Variants in NRG1 observed in about 807,000 individuals in gnomAD.
NRG1 encodes the protein neuregulin 1.
A neutral mutation model predicts 63.8 loss-of-function variants in NRG1; 18 were observed. The ratio of observed to expected loss-of-function variants is 0.28; its 90% CI spans 0.19 to 0.42. NRG1 has a LOEUF of 0.42. Ranked by LOEUF, NRG1 falls within the 10% of genes least tolerant of loss-of-function variation. The pLI, the probability that NRG1 is intolerant of heterozygous loss-of-function variation, is 1.00. For missense variants in NRG1, 762 were observed against 814.7 expected (o/e 0.94, Z 0.79); for synonymous variants, 302 against 301.3 (o/e 1.00, Z -0.02).
chr8:31,760,147 C>T (rs567943915), intron 1 of NRG1, among the ~76,000 whole-genome samples: 12 of 152,102 alleles, frequency 7.9e-5, no homozygotes, highest in East Asian at 5.8e-4. Flanking sequence ...TGAATGGTAA[C>T]GCCTAGGTTT....
chr8:32,359,111 C>T (rs1342734790), intron 1 of NRG1, among the ~76,000 whole-genome samples: 1 of 152,198 alleles, frequency 6.6e-6, no homozygotes, highest in African/African-American at 2.4e-5. Flanking sequence ...TATTTACAAA[C>T]AGGATAAGTC....
rs367688032 is a variant in NRG1, at chr8:32,495,966, G to A, written c.38-99862G>A. Among the ~76,000 whole-genome samples the A allele has an allele frequency of 1.1e-4, 17 of 152,180 alleles. No individual in the cohort carries two copies. In the South Asian group the frequency reaches 1.9e-3, roughly 17 times the overall value. ...TTGGTGAACTTTATCAGACATTTCT[G>A]AACAGAATTACCACTCTGTGGTGGC... On this transcript the variant is annotated intron_variant, in intron 1 of 10. Transcript: ENST00000519301.
chr8:31,639,872 G>A (rs996867241), intron 1 of NRG1: 513 of 1,102,688 alleles, frequency 4.7e-4, no homozygotes, highest in Non-Finnish European at 5.4e-4. Context: ...AAAGGAGGAG[G>A]GCAAGGGGGG....
chr8:32,363,868 T>A (rs1807574397), intron 1 of NRG1, among the ~76,000 whole-genome samples: 1 of 152,022 alleles, frequency 6.6e-6, no homozygotes, highest in Admixed American at 6.6e-5. Context: ...ATTTACAAGG[T>A]GAATGAAGAA....
intron 1 of NRG1, among the ~76,000 whole-genome samples, chr8:32,124,012 A>T (rs1025523722): frequency 7.2e-5 from 11 of 152,118 alleles, no homozygotes; most frequent in Middle Eastern, 3.4e-3. Flanking sequence ...GAAATTATTT[A>T]TGAAGAGAAG....
At chr8:32,469,765 T>G (rs1823538868) in intron 1 of NRG1, among the ~76,000 whole-genome samples, 1 of 152,074 alleles carries the variant, frequency 6.6e-6, no homozygotes. Context: ...AGCCCGAGAA[T>G]CCTAAGAGAG....
chr8:32,645,477 T>A (rs1853324011), intron 5 of NRG1, among the ~76,000 whole-genome samples: 1 of 152,224 alleles, frequency 6.6e-6, no homozygotes, highest in Admixed American at 6.5e-5. Flanking sequence ...TTAAGACCCT[T>A]TAAATCATGT....
chr8:32,428,242 A>G (rs1290772286), intron 1 of NRG1, among the ~76,000 whole-genome samples: 8 of 152,230 alleles, frequency 5.3e-5, no homozygotes, highest in Admixed American at 5.2e-4. Flanking sequence ...ATCTTTGGGA[A>G]ATATAATTCC....
chr8:31,853,530 C>CTAGA (rs1827488331), intron 1 of NRG1, among the ~76,000 whole-genome samples: 1 of 150,776 alleles, frequency 6.6e-6, no homozygotes, highest in Non-Finnish European at 1.5e-5. Context: ...ATGGGGTTTT[C>CTAGA]TAGATATACA....
Position 31,882,048 on chromosome 8 carries a change from A to G in NRG1, c.37+242617A>G, listed in dbSNP as rs1330682112. ...TGTTGACAAAAGGGTTTTCTTTTGG[A>G]AGAAGATGCCATCTTGGCTTTGAAT... is the stretch of plus-strand genomic sequence containing the variant. On this transcript the variant is annotated intron_variant, in intron 1 of 10. Coordinates refer to the NRG1 transcript ENST00000519301. Among the ~76,000 whole-genome samples, 4 of 152,276 alleles carry G rather than the reference A, an allele frequency of 2.6e-5. No individual in the cohort carries two copies. In the South Asian group the frequency reaches 6.2e-4, roughly 24 times the overall value.
intron 1 of NRG1, among the ~76,000 whole-genome samples, chr8:32,247,657 G>T (rs1021292455): frequency 6.6e-6 from 1 of 152,042 alleles, no homozygotes; most frequent in African/African-American, 2.4e-5. Flanking sequence ...ACAATACTTT[G>T]CTACCTTAAC....
chr8:32,213,495 C>G (rs2132410556), intron 1 of NRG1, among the ~76,000 whole-genome samples: 1 of 152,152 alleles, frequency 6.6e-6, no homozygotes, highest in South Asian at 2.1e-4. Context: ...GAATAAATAG[C>G]TAATGCATGT....
chr8:31,791,638 G>C, intron 1 of NRG1, among the ~76,000 whole-genome samples: 1 of 152,100 alleles, frequency 6.6e-6, no homozygotes, highest in East Asian at 1.9e-4. Context: ...TCAGTGGCTG[G>C]ATCTTCATGA....
chr8:32,742,076 G>A lies in NRG1; in HGVS notation c.633-599G>A. 6.2e-7 allele frequency: 1 copy of A among 1,613,028 alleles called. No homozygotes were observed. Among genetic ancestry groups the A allele is most frequent in the South Asian group, 1.1e-5 (1 of 91,044 alleles). The stretch of plus-strand genomic sequence containing the variant: ...CCCATGAAAGTCCAAAACCAAGAAA[G>A]TATGTCAAAATAATCTGAAATTTGC... On this transcript the variant is annotated intron_variant, in intron 6 of 11. Coordinates refer to ENST00000356819, the Ensembl canonical transcript of NRG1. This position sits in a 1 kb window ranked among gnomAD's most constrained non-coding sequence, Gnocchi z 4.2.
intron 1 of NRG1, among the ~76,000 whole-genome samples, chr8:32,218,543 T>TGGAGAAGCTACTCTTGGCTCTATGCA (rs1845483956): frequency 6.6e-6 from 1 of 152,198 alleles, no homozygotes; most frequent in Non-Finnish European, 1.5e-5. Context: ...TTGCTTAGTC[T>TGGAGAAGCTACTCTTGGCTCTATGCA]GGAGAAGCTA....
At chr8:31,964,679 G>A (rs1280408744) in intron 1 of NRG1, among the ~76,000 whole-genome samples, 1 of 151,950 alleles carries the variant, frequency 6.6e-6, no homozygotes, top group Non-Finnish European at 1.5e-5. Context: ...ACAAAACACA[G>A]CAAGGACCCT....
At chr8:32,586,705 T>C (rs749910989) in intron 1 of NRG1, among the ~76,000 whole-genome samples, 1 of 152,212 alleles carries the variant, frequency 6.6e-6, no homozygotes, top group Non-Finnish European at 1.5e-5. Flanking sequence ...TAAGTTCCCC[T>C]ATCAGTTTCC....
At chr8:32,771,690 A>G (rs577462018), downstream of NRG1, among the ~76,000 whole-genome samples, 3 of 122,398 alleles carry the variant, frequency 2.5e-5, no homozygotes, top group South Asian at 5.8e-4. Context: ...GGATGTTCAG[A>G]CATATTCCAT....
At chr8:31,766,318 G>T (rs1818054699) in intron 1 of NRG1, among the ~76,000 whole-genome samples, 1 of 152,136 alleles carries the variant, frequency 6.6e-6, no homozygotes, top group Admixed American at 6.5e-5. Context: ...GTAGATAAGT[G>T]TCTTCACCCC....
Sources: allele counts gnomAD v4.1 joint callset (sites outside exome capture counted in the v4.1 genomes callset), GRCh38; gene constraint gnomAD v4.1.1; non-coding constraint Gnocchi (gnomAD v3.1); transcripts MANE v1.5; gene names NCBI Gene and HGNC (gene_info 2026-07-23, HGNC 2026-07-21).